AUNIP: variants seen among roughly 807,000 people sequenced by gnomAD.
The protein encoded by AUNIP is aurora kinase A and ninein interacting protein, also known as aurora kinase A- and ninein-interacting protein.
AUNIP carries 16 observed loss-of-function variants against 12.2 expected under a neutral mutation model. That is an observed-to-expected ratio of 1.31 (90% CI 0.88 to 1.99). The LOEUF is 1.99. Ranked by LOEUF, AUNIP falls within the 30% of genes most tolerant of loss-of-function variation. The probability of loss-of-function intolerance (pLI) is 0.00; values close to 1 mark genes in which losing one functional copy is unlikely to be tolerated. For missense variants in AUNIP, 411 were observed against 419.1 expected, an observed-to-expected ratio of 0.98 and a Z score of 0.17; for synonymous variants, 142 against 154.8, an observed-to-expected ratio of 0.92 and a Z score of 0.61.
intron 1 of AUNIP, among the ~76,000 whole-genome samples, chr1:25,856,984 A>T (rs213642): frequency 0.23 from 35,090 of 151,350 alleles, 4,511 homozygotes; most frequent in African/African-American, 0.33. Flanking sequence ...GCTTTGTGGC[A>T]CTATGCCTGT....
Position 25,842,120 on chromosome 1 carries a change from G to C in AUNIP, c.79-4566C>G, listed in dbSNP as rs147271082. Among the ~76,000 whole-genome samples, 400 of 152,292 alleles carry C rather than the reference G, an allele frequency of 2.6e-3. 2 individuals carry two copies. The highest frequency in any genetic ancestry group is 9.0e-3 in the African/African-American group (373 of 41,570). Reference sequence around the variant, plus strand: ...TAAGTGAGGAAGACATGCCCCAAGAGGCCAAAAGCTGAGCCTTTTGCATCA... The same window carrying C: ...TAAGTGAGGAAGACATGCCCCAAGACGCCAAAAGCTGAGCCTTTTGCATCA... On this transcript the variant is annotated intron_variant, in intron 1 of 2. Coordinates refer to ENST00000374298, the MANE Select transcript of AUNIP (RefSeq NM_024037.3).
At chr1:25,840,871 C>G (rs764035433) in intron 1 of AUNIP, among the ~76,000 whole-genome samples, 2 of 151,990 alleles carry the variant, frequency 1.3e-5, no homozygotes, top group Non-Finnish European at 2.9e-5. Flanking sequence ...TACCTATATG[C>G]TAGGACTGGG....
chr1:25,843,809 A>AC (rs763500101), intron 1 of AUNIP, among the ~76,000 whole-genome samples: 15 of 152,150 alleles, frequency 9.9e-5, no homozygotes, highest in Admixed American at 4.6e-4. Flanking sequence ...CTGAATTGAT[A>AC]CACTCTCCCA....
At chr1:25,838,084 CAA>C (rs59434471) in intron 1 of AUNIP, among the ~76,000 whole-genome samples, 9 of 105,200 alleles carry the variant, frequency 8.6e-5, no homozygotes, top group Admixed American at 1.0e-4. Flanking sequence ...ACTAAAAATA[CAA>C]AAAAAAAAAA....
intron 2 of AUNIP, among the ~76,000 whole-genome samples, chr1:25,836,758 CAA>C (rs1299013246): frequency 6.6e-6 from 1 of 151,926 alleles, no homozygotes; most frequent in Admixed American, 6.6e-5. Context: ...TTACATAAAG[CAA>C]AAGAGTGTAC....
rs1553123188 is a variant in AUNIP, at chr1:25,834,634, A to T, written c.*359T>A. 2.0e-6 allele frequency: 2 copies of T among 978,840 alleles called. No individual in the cohort carries two copies. Among genetic ancestry groups the T allele is most frequent in the Non-Finnish European group, 2.4e-6 (2 of 819,610 alleles). The allele number at this position is 978,840 out of a possible 1,614,324, so 60.6% of individuals were successfully genotyped here. ...CCATCTCAAAAAAAAAAAAAAAAAA[A>T]CACATCCATAAGCAAGGTCCCAGTC... On this transcript the variant is annotated 3_prime_UTR_variant, in exon 3 of 3. Coordinates refer to ENST00000374298, the MANE Select transcript of AUNIP (RefSeq NM_024037.3).
Position 25,834,998 on chromosome 1 carries a change from A to G in AUNIP, c.1069T>C (p.Phe357Leu), listed in dbSNP as rs2048287565. Residue 357 changes from phenylalanine (F) to leucine (L), a missense_variant, in exon 3 of 3, where the codon TTC (phenylalanine) becomes CTC (leucine). Transcript: ENST00000374298. The stretch of plus-strand genomic sequence containing the variant: ...AGAAACAAAGCTTCAAACATTTAGA[A>G]TTGGTGTCTGATAACTTGATTACCT... ...SEGNQVIRHQF is the reference protein window; with the variant it reads ...SEGNQVIRHQL 1 of 1,604,530 alleles carries G rather than the reference A, an allele frequency of 6.2e-7. No homozygotes were observed. Among genetic ancestry groups the G allele is most frequent in the Middle Eastern group, 1.7e-4 (1 of 6,000 alleles).
At chr1:25,849,870 A>C (rs1029695387) in intron 1 of AUNIP, among the ~76,000 whole-genome samples, 16 of 151,966 alleles carry the variant, frequency 1.1e-4, no homozygotes, top group Non-Finnish European at 1.3e-4. Context: ...TCCTGACCTC[A>C]AGTGATCTGC....
At chr1:25,838,553 G>T (rs1218021613) in intron 1 of AUNIP, among the ~76,000 whole-genome samples, 1 of 151,812 alleles carries the variant, frequency 6.6e-6, no homozygotes, top group African/African-American at 2.4e-5. Context: ...CACATAAAAG[G>T]CTTACACAGT....
rs1186445683 is a variant in AUNIP at position 25,852,056 on chromosome 1, GATCCTT to G, written c.78+7218_78+7223del. ...CAGCCTCAACCTCCCTGGGTTCAGT[GATCCTT>G]ACACCTCAGCCTCCTGAGTAGCTGG... is the stretch of plus-strand genomic sequence containing the variant. On this transcript the variant is annotated intron_variant, in intron 1 of 2. Coordinates refer to ENST00000374298, the MANE Select transcript of AUNIP (RefSeq NM_024037.3). 2.0e-5 allele frequency among the ~76,000 whole-genome samples: 3 copies of G among 152,084 alleles called. No individual in the cohort carries two copies. The East Asian group carries it at 5.8e-4, about 29-fold the overall frequency.
At chr1:25,857,655 G>C (rs1315634278) in intron 1 of AUNIP, among the ~76,000 whole-genome samples, 1 of 151,640 alleles carries the variant, frequency 6.6e-6, no homozygotes, top group Non-Finnish European at 1.5e-5. Flanking sequence ...TTGAGGTCAG[G>C]AGTTCAAGAC....
At position 25,847,554 on chromosome 1, in the gene AUNIP, CACACCCGACCTT is replaced by C. The variant is rs1435356241; in HGVS notation, c.79-10012_79-10001del. 6.6e-6 allele frequency among the ~76,000 whole-genome samples: 1 copy of C among 152,144 alleles called. No individual in the cohort carries two copies. Among genetic ancestry groups the C allele is most frequent in the Non-Finnish European group, 1.5e-5 (1 of 68,036 alleles). On this transcript the variant is annotated intron_variant, in intron 1 of 2. Transcript: ENST00000374298. The surrounding 1 kb of genome is among the most constrained non-coding windows in gnomAD (Gnocchi z 4.2). ...TGCTGGGATTACAGGCATAAACCAC[CACACCCGACCTT>C]AAAAAACATTTAAGCAATCCCCTAC...
chr1:25,832,412 C>CTT, downstream of AUNIP: 3 of 506,396 alleles, frequency 5.9e-6, no homozygotes, highest in South Asian at 2.2e-5. Flanking sequence ...GTCACTCACT[C>CTT]AGCAGCTTCC....
Position 25,847,635 on chromosome 1 carries a change from TAGAG to T in AUNIP, c.79-10085_79-10082del, listed in dbSNP as rs1239885417. Among the ~76,000 whole-genome samples, 1 of 152,230 alleles carries T rather than the reference TAGAG, an allele frequency of 6.6e-6. No individual in the cohort carries two copies. The highest frequency in any genetic ancestry group is 1.5e-5 in the Non-Finnish European group (1 of 68,034). On this transcript the variant is annotated intron_variant, in intron 1 of 2. Transcript: ENST00000374298. The surrounding 1 kb of genome is among the most constrained non-coding windows in gnomAD (Gnocchi z 4.2). ...TCTTGAGCGTACCTATACTTTTATA[TAGAG>T]AGAGACTAATAAACCAAAATAAAAA...
chr1:25,849,695 G>C (rs892376361), intron 1 of AUNIP, among the ~76,000 whole-genome samples: 1 of 152,116 alleles, frequency 6.6e-6, no homozygotes, highest in African/African-American at 2.4e-5. Context: ...GTGCAGCTAC[G>C]CAATCTTGGC....
chr1:25,846,151 G>A (rs1436577926), intron 1 of AUNIP, among the ~76,000 whole-genome samples: 5 of 152,148 alleles, frequency 3.3e-5, no homozygotes, highest in African/African-American at 7.2e-5. Flanking sequence ...CGGGTGCGGC[G>A]GCTCACGCCT....
chr1:25,835,280 T>G lies in AUNIP; in HGVS notation c.787A>C (p.Lys263Gln). The change falls in exon 3 of 3, where the codon AAA (lysine) becomes CAA (glutamine). Residue 263 changes from lysine (K) to glutamine (Q), a missense_variant. By Grantham distance (53) the Lys-to-Gln change is moderately conservative. Coordinates refer to ENST00000374298, the MANE Select transcript of AUNIP (RefSeq NM_024037.3). Reference protein sequence around the residue: ...SWNGENIESVKQSRSPVSVFS... With the variant: ...SWNGENIESVQQSRSPVSVFS... ...ACAGAAACTGGACTACGGCTTTGTT[T>G]CACTGATTCTATGTTTTCTCCATTC... 2 of 1,597,482 alleles carry G rather than the reference T, an allele frequency of 1.3e-6. No individual in the cohort carries two copies. Among genetic ancestry groups the G allele is most frequent in the Non-Finnish European group, 1.7e-6 (2 of 1,165,712 alleles).
rs569045289 is a variant in AUNIP at position 25,834,090 on chromosome 1, C to T, written c.*903G>A. Reference sequence around the variant, plus strand: ...TGGGAAAAGGGTAACAGAGTCACATCCAGATTGTTGTACAGCTCAGGCTTT... The same window carrying T: ...TGGGAAAAGGGTAACAGAGTCACATTCAGATTGTTGTACAGCTCAGGCTTT... On this transcript the variant is annotated 3_prime_UTR_variant, in exon 3 of 3. Coordinates refer to ENST00000374298, the MANE Select transcript of AUNIP (RefSeq NM_024037.3). 4 of 985,290 alleles carry T rather than the reference C, an allele frequency of 4.1e-6. No homozygotes were observed. In the South Asian group the frequency reaches 1.9e-4, roughly 46 times the overall value. The allele number at this position is 985,290 out of a possible 1,614,324, so 61.0% of individuals were successfully genotyped here. A position where few individuals can be genotyped will look rare whatever the true frequency, so the allele number is the denominator to read the frequency against.
chr1:25,852,655 G>A (rs1215193460), intron 1 of AUNIP, among the ~76,000 whole-genome samples: 2 of 151,798 alleles, frequency 1.3e-5, no homozygotes, highest in African/African-American at 2.4e-5. Flanking sequence ...GGCCAGGTTG[G>A]TCTTAAACTC....
Sources: gnomAD v4.1 joint callset for allele counts (sites outside exome capture counted in the v4.1 genomes callset) on GRCh38, gnomAD v4.1.1 for gene constraint, Gnocchi (gnomAD v3.1) non-coding constraint, MANE v1.5 for transcripts, NCBI Gene and HGNC (gene_info 2026-07-23, HGNC 2026-07-21) for gene names.